The following DAB1 variants were observed in gnomAD, a reference collection of about 807,000 sequenced individuals.
The protein encoded by DAB1 is disabled homolog 1.
DAB1 carries 15 observed loss-of-function variants against 64.6 expected under a neutral mutation model. The ratio of observed to expected loss-of-function variants is 0.23; its 90% CI spans 0.16 to 0.36. The LOEUF is 0.36. Among genes scored for constraint, DAB1 ranks in the 10% least tolerant of loss-of-function variants. The pLI is 1.00. For missense variants in DAB1, 596 were observed against 706.7 expected (o/e 0.84, Z 1.78); for synonymous variants, 235 against 251.9 (o/e 0.93, Z 0.64).
chr1:58,289,784 T>A (rs1557723360), intron 4 of DAB1, among the ~76,000 whole-genome samples: 2 of 152,206 alleles, frequency 1.3e-5, no homozygotes, highest in Non-Finnish European at 2.9e-5. Context: ...ATGGCTTGTG[T>A]GAATTATCTG....
intron 11 of DAB1, among the ~76,000 whole-genome samples, chr1:57,022,701 C>T (rs1395189265): frequency 6.6e-6 from 1 of 152,194 alleles, no homozygotes; most frequent in African/African-American, 2.4e-5. Context: ...TCAAACAACT[C>T]TATTTGCCAT....
intron 1 of DAB1, among the ~76,000 whole-genome samples, chr1:57,341,024 A>T (rs1260835884): frequency 6.6e-6 from 1 of 152,194 alleles, no homozygotes; most frequent in Non-Finnish European, 1.5e-5. Context: ...GCACTTACAC[A>T]GCCCTTATTG....
chr1:57,976,933 A>C (rs1645934745), intron 5 of DAB1, among the ~76,000 whole-genome samples: 1 of 152,118 alleles, frequency 6.6e-6, no homozygotes, highest in Admixed American at 6.6e-5. Flanking sequence ...CTTGCCAAGT[A>C]ATCTGGATTA....
chr1:57,835,186 G>A (rs899311409), intron 1 of DAB1, among the ~76,000 whole-genome samples: 4 of 152,148 alleles, frequency 2.6e-5, no homozygotes, highest in Admixed American at 1.3e-4. Flanking sequence ...TTAGACTAAA[G>A]AACAGTGGCT....
At chr1:58,204,115 G>C (rs899790642) in intron 4 of DAB1, among the ~76,000 whole-genome samples, 2 of 152,164 alleles carry the variant, frequency 1.3e-5, no homozygotes, top group Non-Finnish European at 2.9e-5. Flanking sequence ...GTTTTGAACT[G>C]CCATCATTTG....
At chr1:57,671,414 T>C (rs556758271) in intron 6 of DAB1, among the ~76,000 whole-genome samples, 12 of 152,170 alleles carry the variant, frequency 7.9e-5, no homozygotes, top group African/African-American at 2.6e-4. Flanking sequence ...GATTCCCAAT[T>C]TAGACCAATG....
chr1:58,244,246 C>G (rs1439855271), intron 4 of DAB1, among the ~76,000 whole-genome samples: 1 of 152,148 alleles, frequency 6.6e-6, no homozygotes, highest in African/African-American at 2.4e-5. Flanking sequence ...ACAAAAGCAT[C>G]AGCAATAACA....
chr1:57,518,609 C>T (rs925424026), intron 7 of DAB1, among the ~76,000 whole-genome samples: 5 of 152,112 alleles, frequency 3.3e-5, no homozygotes, highest in African/African-American at 7.2e-5. Context: ...CAGCTTGTCC[C>T]CCTGCTTCTG....
At chr1:57,239,732 G>A (rs1445474016) in intron 2 of DAB1, among the ~76,000 whole-genome samples, 2 of 151,892 alleles carry the variant, frequency 1.3e-5, no homozygotes, top group Non-Finnish European at 2.9e-5. Flanking sequence ...AAAGAACCCA[G>A]GTCAATTAAT....
intron 7 of DAB1, among the ~76,000 whole-genome samples, chr1:57,452,507 A>G (rs1686424397): frequency 6.6e-6 from 1 of 152,108 alleles, no homozygotes; most frequent in Non-Finnish European, 1.5e-5. Context: ...TAAGTCACCC[A>G]GTTGGGAAAT....
chr1:58,537,336 A>G (rs981476948), intron 1 of DAB1, among the ~76,000 whole-genome samples: 1 of 152,168 alleles, frequency 6.6e-6, no homozygotes. Context: ...CAGACCTCCA[A>G]CACAATTTGC....
At chr1:57,021,377 G>A (rs1314865835) in intron 11 of DAB1, among the ~76,000 whole-genome samples, 2 of 152,174 alleles carry the variant, frequency 1.3e-5, no homozygotes, top group Admixed American at 1.3e-4. Flanking sequence ...TGGTTTGGCT[G>A]TGTCCCCACC....
At chr1:57,299,283 A>G (rs1363538907) in intron 1 of DAB1, among the ~76,000 whole-genome samples, 1 of 152,238 alleles carries the variant, frequency 6.6e-6, no homozygotes, top group African/African-American at 2.4e-5. Context: ...ACTCATCTGT[A>G]AAATGGAACA....
intron 4 of DAB1, among the ~76,000 whole-genome samples, chr1:58,241,762 T>C (rs886586333): frequency 2.0e-5 from 3 of 151,912 alleles, no homozygotes; most frequent in Non-Finnish European, 4.4e-5. Context: ...CAAAGTAAAA[T>C]AGCAATGAGA....
At chr1:57,518,083 C>T (rs543991702) in intron 7 of DAB1, among the ~76,000 whole-genome samples, 19 of 152,218 alleles carry the variant, frequency 1.2e-4, no homozygotes, top group African/African-American at 4.6e-4. Flanking sequence ...ATCTTGATTC[C>T]CATGGGATCC....
At chr1:58,206,238 G>A (rs529623090) in intron 4 of DAB1, among the ~76,000 whole-genome samples, 43 of 152,206 alleles carry the variant, frequency 2.8e-4, no homozygotes, top group African/African-American at 1.0e-3. Flanking sequence ...AACTCTAACT[G>A]GGAAGGAAGC....
chr1:57,840,142 T>G (rs1652984297), intron 1 of DAB1, among the ~76,000 whole-genome samples: 2 of 152,228 alleles, frequency 1.3e-5, no homozygotes, highest in African/African-American at 4.8e-5. Flanking sequence ...TAGGCATTTA[T>G]TTAGTCAACA....
chr1:57,056,854 ACT>A (rs1332761063), intron 9 of DAB1, among the ~76,000 whole-genome samples: 3 of 151,982 alleles, frequency 2.0e-5, no homozygotes, highest in East Asian at 1.9e-4. Flanking sequence ...ACAGAGCGAG[ACT>A]CTGTCTCAAA....
chr1:57,421,299 C>T (rs1684862817), intron 1 of DAB1, among the ~76,000 whole-genome samples: 1 of 152,120 alleles, frequency 6.6e-6, no homozygotes, highest in East Asian at 1.9e-4. Context: ...GTGAGATGAG[C>T]TTCATCAACA....
Sources: allele counts gnomAD v4.1 joint callset (sites outside exome capture counted in the v4.1 genomes callset), GRCh38; gene constraint gnomAD v4.1.1; transcripts MANE v1.5; gene names NCBI Gene and HGNC (gene_info 2026-07-23, HGNC 2026-07-21).